Variants in EIF3B observed in about 807,000 individuals in gnomAD.
The protein encoded by EIF3B is eukaryotic translation initiation factor 3 subunit 9.
In EIF3B, 10 loss-of-function variants were observed where a neutral mutation model predicts 104.6. The ratio of observed to expected loss-of-function variants is 0.10; its 90% CI spans 0.06 to 0.16. The LOEUF (loss-of-function observed/expected upper bound fraction) is 0.16, where lower values mean the gene tolerates loss of function less well. EIF3B is among the 10% of genes least tolerant of loss of function. The probability of loss-of-function intolerance (pLI) is 1.00; values close to 1 mark genes in which losing one functional copy is unlikely to be tolerated. For synonymous variants in EIF3B, 542 were observed against 417.2 expected, an observed-to-expected ratio of 1.30 and a Z score of -3.65; for missense variants, 1,014 against 1,087.9, an observed-to-expected ratio of 0.93 and a Z score of 0.96.
Position 2,379,198 on chromosome 7 carries a change from A to G in EIF3B, c.2297A>G (p.Glu766Gly). ...DFRKYRKMAQ[E>G]LYMEQKNERL... ...CGGAAGTACCGGAAAATGGCCCAGG[A>G]GCTCTATATGGAGCAGAAAAACGAG... The change falls in exon 17 of 19, where the codon GAG (glutamate) becomes GGG (glycine). Residue 766 changes from glutamate (E) to glycine (G), a missense_variant. By Grantham distance (98) the Glu-to-Gly change is moderately conservative. This residue lies in a region of EIF3B where 266 missense variants were observed against 324.0 expected (regional missense o/e 0.82). Coordinates refer to ENST00000360876, the MANE Select transcript of EIF3B (RefSeq NM_001037283.2). The G allele has an allele frequency of 6.2e-7, 1 of 1,613,860 alleles. No individual in the cohort carries two copies. The highest frequency in any genetic ancestry group is 8.5e-7 in the Non-Finnish European group (1 of 1,179,926).
At chr7:2,359,404 C>T (rs1779618850) in intron 1 of EIF3B, among the ~76,000 whole-genome samples, 2 of 152,080 alleles carry the variant, frequency 1.3e-5, no homozygotes, top group East Asian at 1.9e-4. Flanking sequence ...TCATTAATCA[C>T]GCCTCTATAA....
Position 2,380,492 on chromosome 7 carries a change from C to A in EIF3B, c.*303C>A. 1 of 484,606 alleles carries A rather than the reference C, an allele frequency of 2.1e-6. No individual in the cohort carries two copies. Among genetic ancestry groups the A allele is most frequent in the Non-Finnish European group, 4.1e-6 (1 of 242,878 alleles). 30.0% of individuals were successfully genotyped at this position (484,606 alleles called of 1,614,324 possible). ...GTTTGGAGTTTTCTGTTGGAACCGC[C>A]GGCGTTGGCTCCGAAGACTTAGCGA... is the stretch of plus-strand genomic sequence containing the variant. On this transcript the variant is annotated 3_prime_UTR_variant, in exon 19 of 19. Transcript: ENST00000360876.
At chr7:2,364,161 C>T (rs913101193) in intron 5 of EIF3B, among the ~76,000 whole-genome samples, 5 of 152,042 alleles carry the variant, frequency 3.3e-5, no homozygotes, top group African/African-American at 1.2e-4. Context: ...ACTCGGGAGG[C>T]TGAGGCAGGA....
At chr7:2,366,624 C>T in intron 8 of EIF3B, 33 bp downstream of exon 8, 1 of 1,612,328 alleles carries the variant, frequency 6.2e-7, no homozygotes, top group Non-Finnish European at 8.5e-7. Context: ...AACGCCCCGT[C>T]CGGTCCTTGC....
chr7:2,372,022 T>C (rs1780369718), intron 11 of EIF3B, 173 bp downstream of exon 11: 1 of 603,550 alleles, frequency 1.7e-6, no homozygotes, highest in Non-Finnish European at 3.0e-6. Flanking sequence ...GGCAACATAG[T>C]GAGACCCTCT....
chr7:2,362,168 C>T (rs374663788), intron 2 of EIF3B, among the ~76,000 whole-genome samples: 2 of 152,028 alleles, frequency 1.3e-5, no homozygotes, highest in Admixed American at 6.6e-5. Flanking sequence ...CCATGTTGGC[C>T]GGGCTGGTCT....
At position 2,356,853 on chromosome 7, in the gene EIF3B, C is replaced by CT. The variant is rs372231511; in HGVS notation, c.499+1443dup. Among the ~76,000 whole-genome samples the CT allele has an allele frequency of 4.9e-3, 734 of 149,500 alleles. 10 individuals are homozygous for CT. Among genetic ancestry groups the CT allele is most frequent in the South Asian group, 0.016 (76 of 4,740 alleles). ...TTACTGTGACCATTACTATATTACA[C>CT]TTTTTTTTTTCATAAAAGACATTTT... is the stretch of plus-strand genomic sequence containing the variant. On this transcript the variant is annotated intron_variant, in intron 1 of 18. Coordinates refer to ENST00000360876, the MANE Select transcript of EIF3B (RefSeq NM_001037283.2).
intron 5 of EIF3B, among the ~76,000 whole-genome samples, chr7:2,364,043 C>G (rs1583159599): frequency 6.6e-6 from 1 of 152,146 alleles, no homozygotes; most frequent in Non-Finnish European, 1.5e-5. Flanking sequence ...GGGTGGATCA[C>G]GAGGTCAGGA....
In EIF3B at chr7:2,375,736, G is replaced by T. The variant is rs368778912; in HGVS notation, c.2028+209G>T. ...AGTGCAGGAGCAGCCCCTGCTCATG[G>T]TTGCGGGGAGGTGGGGGGTCTTACC... is the stretch of plus-strand genomic sequence containing the variant. On this transcript the variant is annotated intron_variant, in intron 14 of 18. Transcript: ENST00000360876. 3.7e-4 allele frequency among the ~76,000 whole-genome samples: 56 copies of T among 152,340 alleles called. No individual in the cohort carries two copies. In the East Asian group the frequency reaches 5.6e-3, roughly 15 times the overall value.
intron 4 of EIF3B, 102 bp from the exon 5 acceptor site, chr7:2,363,530 T>G: frequency 9.4e-7 from 1 of 1,068,448 alleles, no homozygotes; most frequent in Non-Finnish European, 1.3e-6. Flanking sequence ...ACTTGGGAGT[T>G]AAGATGTGGA....
At chr7:2,366,200 T>C (rs931408166) in intron 6 of EIF3B, 117 bp from the exon 7 acceptor site, 4 of 1,104,684 alleles carry the variant, frequency 3.6e-6, no homozygotes, top group Non-Finnish European at 5.1e-6. Context: ...CCGGGCAGTG[T>C]GGGGTTTGGG....
In EIF3B at chr7:2,379,208, G is replaced by T; in HGVS notation, c.2307G>T (p.Met769Ile). ...GGAAAATGGCCCAGGAGCTCTATAT[G>T]GAGCAGAAAAACGAGCGCCTGGAGT... ...KYRKMAQELYMEQKNERLELR... is the reference protein window; with the variant it reads ...KYRKMAQELYIEQKNERLELR... Residue 769 changes from methionine (M) to isoleucine (I), a missense_variant, in exon 17 of 19, where the codon ATG becomes ATT. This residue lies in a region of EIF3B where 266 missense variants were observed against 324.0 expected (regional missense o/e 0.82). Coordinates refer to ENST00000360876, the MANE Select transcript of EIF3B (RefSeq NM_001037283.2). 3.7e-6 allele frequency: 6 copies of T among 1,613,616 alleles called. No individual in the cohort carries two copies. Among genetic ancestry groups the T allele is most frequent in the Non-Finnish European group, 5.1e-6 (6 of 1,179,782 alleles).
chr7:2,363,559 T>C lies in EIF3B; in HGVS notation c.871-73T>C, dbSNP rs772319472. The C allele has an allele frequency of 1.6e-5, 22 of 1,396,630 alleles. No individual in the cohort carries two copies. In the Admixed American group the frequency reaches 3.9e-4, roughly 25 times the overall value. The allele number at this position is 1,396,630 out of a possible 1,614,324, so 86.5% of individuals were successfully genotyped here. A position where few individuals can be genotyped will look rare whatever the true frequency, so the allele number is the denominator to read the frequency against. ...ATGTGGACTGAACTTGTCATATCTT[T>C]AAGAGCAATAGTTGTGAATGAGTTT... On this transcript the variant is annotated intron_variant, in intron 4 of 18. Transcript: ENST00000360876.
At chr7:2,372,530 G>A (rs1780409165) in intron 11 of EIF3B, 143 bp from the exon 12 acceptor site, 5 of 1,017,634 alleles carry the variant, frequency 4.9e-6, no homozygotes, top group Non-Finnish European at 7.1e-6. Flanking sequence ...CTTTCCTGCT[G>A]TTGCTTGCTC....
Position 2,375,480 on chromosome 7 carries a change from C to A in EIF3B, c.1981C>A (p.Pro661Thr). ...CATGGCTTCCGACGTCGAATGGGAT[C>A]CTACTGGGCGCTACGTCGTCACCTC... ...HYMASDVEWD[P>T]TGRYVVTSVS... Residue 661 changes from proline (P) to threonine (T), a missense_variant, in exon 14 of 19, where the codon CCT (proline) becomes ACT (threonine). Pro to Thr is a conservative substitution (Grantham distance 38). Transcript: ENST00000360876. 1 of 1,614,218 alleles carries A rather than the reference C, an allele frequency of 6.2e-7. No homozygotes were observed. The highest frequency in any genetic ancestry group is 8.5e-7 in the Non-Finnish European group (1 of 1,180,046).
In EIF3B at chr7:2,355,246, G is replaced by A. The variant is rs1275969474; in HGVS notation, c.325G>A (p.Gly109Arg). Residue 109 changes from glycine to arginine, a missense_variant, in exon 1 of 19, where the codon GGA (glycine) becomes AGA (arginine). Physicochemically the swap from Gly to Arg is moderately radical, Grantham distance 125 (BLOSUM62 -2). This residue lies in a region of EIF3B where 488 missense variants were observed against 404.3 expected (regional missense o/e 1.21). Coordinates refer to ENST00000360876, the MANE Select transcript of EIF3B (RefSeq NM_001037283.2). Reference sequence around the variant, plus strand: ...TGTCCCGGCACAGGGCGAGGCCCCAGGAGAGCAGGCTCGGGACGAGCGCTC... The same window carrying A: ...TGTCCCGGCACAGGGCGAGGCCCCAAGAGAGCAGGCTCGGGACGAGCGCTC... ...PPVPAQGEAPGEQARDERSDS... is the reference protein window; with the variant it reads ...PPVPAQGEAPREQARDERSDS... 10 of 1,525,308 alleles carry A rather than the reference G, an allele frequency of 6.6e-6. No homozygotes were observed. Among genetic ancestry groups the A allele is most frequent in the Admixed American group, 5.9e-5 (3 of 50,436 alleles). The allele number at this position is 1,525,308 out of a possible 1,614,324, so 94.5% of individuals were successfully genotyped here. A position where few individuals can be genotyped will look rare whatever the true frequency, so the allele number is the denominator to read the frequency against.
Position 2,376,999 on chromosome 7 carries a change from A to G in EIF3B, c.2078A>G (p.Lys693Arg), listed in dbSNP as rs761842037. Reference protein sequence around the residue: ...LWTFQGRLLQKNNKDRFCQLL... With the variant: ...LWTFQGRLLQRNNKDRFCQLL... ...ACTTTCCAGGGACGCCTCCTGCAGA[A>G]GAACAACAAGGACCGCTTCTGCCAG... Residue 693 changes from lysine (K) to arginine (R), a missense_variant, in exon 15 of 19, where the codon AAG becomes AGG. By Grantham distance (26) the Lys-to-Arg change is conservative. Around this residue, in one of 4 missense-constraint regions of EIF3B, gnomAD observed 266 missense variants for 324.0 expected, o/e 0.82. Transcript: ENST00000360876. 1 of 1,613,942 alleles carries G rather than the reference A, an allele frequency of 6.2e-7. No homozygotes were observed. The highest frequency in any genetic ancestry group is 1.1e-5 in the South Asian group (1 of 91,070).
chr7:2,379,429 G>T lies in EIF3B; in HGVS notation c.2377G>T (p.Asp793Tyr), dbSNP rs867485485. 1 of 1,593,840 alleles carries T rather than the reference G, an allele frequency of 6.3e-7. No individual in the cohort carries two copies. Among genetic ancestry groups the T allele is most frequent in the Non-Finnish European group, 8.5e-7 (1 of 1,170,032 alleles). ...TGACGAGCTGGACAGCAACGTGGAC[G>T]ACTGGGAAGAGGAGACCATTGAGTT... ...DTDELDSNVD[D>Y]WEEETIEFFV... is the part of the protein sequence containing the mutation. The change falls in exon 18 of 19, where the codon GAC (aspartate) becomes TAC (tyrosine). Residue 793 changes from aspartate to tyrosine, a missense_variant. Around this residue, in one of 4 missense-constraint regions of EIF3B, gnomAD observed 266 missense variants for 324.0 expected, o/e 0.82. Coordinates refer to ENST00000360876, the MANE Select transcript of EIF3B (RefSeq NM_001037283.2).
chr7:2,375,775 C>A (rs1056688540), intron 14 of EIF3B, among the ~76,000 whole-genome samples: 45 of 152,258 alleles, frequency 3.0e-4, no homozygotes, highest in African/African-American at 1.1e-3. Flanking sequence ...GGCCCAGGGA[C>A]CCCTGAAAAG....
Sources: gnomAD v4.1 joint callset for allele counts (sites outside exome capture counted in the v4.1 genomes callset) on GRCh38, gnomAD v4.1.1 for gene constraint, gnomAD v4.1.1 regional missense constraint, MANE v1.5 for transcripts, NCBI Gene and HGNC (gene_info 2026-07-23, HGNC 2026-07-21) for gene names.